GPC5: variants seen among roughly 807,000 people sequenced by gnomAD.
GPC5 encodes the protein glypican-5.
Under a neutral mutation model 53.9 loss-of-function variants are expected in GPC5, and 47 were observed. The ratio of observed to expected loss-of-function variants is 0.87; its 90% confidence interval spans 0.69 to 1.11. The LOEUF is 1.11. GPC5 is among the 50% of genes most tolerant of loss of function. The probability of loss-of-function intolerance (pLI) is 0.00; values close to 1 mark genes in which losing one functional copy is unlikely to be tolerated. For synonymous variants in GPC5, 286 were observed against 263.3 expected (o/e 1.09, Z -0.84); for missense variants, 748 against 713.1 (o/e 1.05, Z -0.56).
intron 7 of GPC5, among the ~76,000 whole-genome samples, chr13:92,423,942 G>C (rs565991031): frequency 1.5e-4 from 23 of 152,224 alleles, no homozygotes; most frequent in African/African-American, 5.5e-4. Context: ...ATTAAAGGGA[G>C]CATTTCCATG....
At chr13:92,459,158 A>G (rs2139407682) in intron 7 of GPC5, among the ~76,000 whole-genome samples, 1 of 152,294 alleles carries the variant, frequency 6.6e-6, no homozygotes, top group South Asian at 2.1e-4. Flanking sequence ...TAGCATCTCC[A>G]CATCTTATTG....
chr13:91,921,934 G>A (rs184969565), intron 6 of GPC5, among the ~76,000 whole-genome samples: 46 of 152,182 alleles, frequency 3.0e-4, no homozygotes, highest in Non-Finnish European at 5.4e-4. Flanking sequence ...TCACAGCACT[G>A]CACTCTAGCC....
At chr13:92,266,998 C>G (rs1159595605) in intron 7 of GPC5, among the ~76,000 whole-genome samples, 1 of 151,800 alleles carries the variant, frequency 6.6e-6, no homozygotes, top group Non-Finnish European at 1.5e-5. Context: ...AACTTTATTT[C>G]TACAAATATC....
chr13:92,585,496 G>C (rs1024069421), intron 7 of GPC5, among the ~76,000 whole-genome samples: 16 of 152,174 alleles, frequency 1.1e-4, no homozygotes, highest in Non-Finnish European at 2.9e-5. Flanking sequence ...TAGCTAACTT[G>C]CTTTTGATTT....
At chr13:92,329,838 TGAA>T (rs1456403901) in intron 7 of GPC5, among the ~76,000 whole-genome samples, 1 of 152,092 alleles carries the variant, frequency 6.6e-6, no homozygotes, top group African/African-American at 2.4e-5. Flanking sequence ...TGTAATCAAA[TGAA>T]GATGTGAAGA....
chr13:92,250,036 ATACT>A (rs1490300566), intron 7 of GPC5, among the ~76,000 whole-genome samples: 4 of 152,142 alleles, frequency 2.6e-5, no homozygotes, highest in African/African-American at 9.7e-5. Flanking sequence ...TGGATAATAA[ATACT>A]TCTTCATTTT....
intron 7 of GPC5, among the ~76,000 whole-genome samples, chr13:92,177,853 C>T (rs945262713): frequency 1.3e-5 from 2 of 152,106 alleles, no homozygotes; most frequent in African/African-American, 4.8e-5. Context: ...AAATTGGCTT[C>T]GATATACCAT....
chr13:91,733,399 C>T (rs2036744935), intron 4 of GPC5, among the ~76,000 whole-genome samples: 2 of 152,158 alleles, frequency 1.3e-5, no homozygotes, highest in Non-Finnish European at 2.9e-5. Flanking sequence ...TCCCAAAGTG[C>T]AGGGATTACA....
At chr13:92,366,223 T>C (rs1157794702) in intron 7 of GPC5, among the ~76,000 whole-genome samples, 4 of 151,774 alleles carry the variant, frequency 2.6e-5, no homozygotes, top group Admixed American at 1.3e-4. Context: ...TGGCAAATGA[T>C]TGTAGATATT....
At chr13:92,778,435 T>C (rs1196029397) in intron 7 of GPC5, among the ~76,000 whole-genome samples, 2 of 152,206 alleles carry the variant, frequency 1.3e-5, no homozygotes, top group Non-Finnish European at 2.9e-5. Flanking sequence ...AAAAATTTAA[T>C]TAAATTCTTG....
chr13:91,462,924 G>T (rs1882024701), intron 2 of GPC5, among the ~76,000 whole-genome samples: 1 of 151,974 alleles, frequency 6.6e-6, no homozygotes, highest in African/African-American at 2.4e-5. Flanking sequence ...ATATTTTAAT[G>T]AAATTATATA....
chr13:91,602,130 T>C (rs2033200537), intron 2 of GPC5, among the ~76,000 whole-genome samples: 1 of 152,230 alleles, frequency 6.6e-6, no homozygotes, highest in Admixed American at 6.5e-5. Context: ...TAGTCCTGGA[T>C]AGTGAAGAAT....
chr13:91,478,740 A>G (rs1323824837), intron 2 of GPC5, among the ~76,000 whole-genome samples: 1 of 143,236 alleles, frequency 7.0e-6, no homozygotes, highest in Non-Finnish European at 1.5e-5. Context: ...GGCTCAGATC[A>G]TGTTTGCTCA....
chr13:91,774,608 C>T (rs2037679701), intron 5 of GPC5, among the ~76,000 whole-genome samples: 1 of 152,134 alleles, frequency 6.6e-6, no homozygotes, highest in Non-Finnish European at 1.5e-5. Context: ...ACAGCGCACC[C>T]ATCCCCCTAC....
chr13:92,811,488 C>T (rs913111259), intron 7 of GPC5, among the ~76,000 whole-genome samples: 4 of 151,782 alleles, frequency 2.6e-5, no homozygotes, highest in African/African-American at 4.9e-5. Flanking sequence ...GATACTGAGT[C>T]GTAGCTATTC....
At chr13:91,433,788 G>A (rs140377396) in intron 1 of GPC5, among the ~76,000 whole-genome samples, 9 of 151,958 alleles carry the variant, frequency 5.9e-5, no homozygotes, top group East Asian at 1.9e-4. Flanking sequence ...TGACTTCCAC[G>A]ATGGTTGAAC....
At chr13:92,738,696 A>T (rs892715760) in intron 7 of GPC5, among the ~76,000 whole-genome samples, 2 of 152,072 alleles carry the variant, frequency 1.3e-5, no homozygotes, top group Non-Finnish European at 2.9e-5. Flanking sequence ...TCCTCAGGTT[A>T]TTCTGTCTCT....
At chr13:92,125,710 G>A (rs1461484327) in intron 6 of GPC5, among the ~76,000 whole-genome samples, 1 of 152,056 alleles carries the variant, frequency 6.6e-6, no homozygotes, top group Non-Finnish European at 1.5e-5. Flanking sequence ...TCTGTGATGT[G>A]TAAGACACTA....
At chr13:92,743,010 T>C (rs1159721779) in intron 7 of GPC5, among the ~76,000 whole-genome samples, 1 of 152,134 alleles carries the variant, frequency 6.6e-6, no homozygotes, top group East Asian at 1.9e-4. Flanking sequence ...TGAAGTCAGG[T>C]AGGGTGATGC....
Sources: gnomAD v4.1 joint callset for allele counts (sites outside exome capture counted in the v4.1 genomes callset) on GRCh38, gnomAD v4.1.1 for gene constraint, MANE v1.5 for transcripts, NCBI Gene and HGNC (gene_info 2026-07-23, HGNC 2026-07-21) for gene names.